IKBKB-DT: variants seen among roughly 807,000 people sequenced by gnomAD.
IKBKB-DT encodes the protein IKBKB divergent transcript, also known as IKBKB antisense RNA.
At chr8:42,235,607 G>A (rs796558008) in intron 3 of IKBKB-DT, among the ~76,000 whole-genome samples, 33 of 152,180 alleles carry the variant, frequency 2.2e-4, no homozygotes, top group African/African-American at 7.2e-4. Context: ...TCGATTTCCC[G>A]TGATTTCATC....
At chr8:42,270,163 C>T (rs371046894) in intron 1 of IKBKB-DT, among the ~76,000 whole-genome samples, 2 of 152,280 alleles carry the variant, frequency 1.3e-5, no homozygotes, top group African/African-American at 4.8e-5. Context: ...GTTTGAGTAT[C>T]AGCTCATCTA....
intron 3 of IKBKB-DT, among the ~76,000 whole-genome samples, chr8:42,250,751 T>C (rs375362602): frequency 7.9e-5 from 12 of 152,024 alleles, no homozygotes; most frequent in East Asian, 7.7e-4. Context: ...GTTTCAGTGG[T>C]GTGTGTCTGT....
At chr8:42,266,814 C>T (rs1807376561) in intron 1 of IKBKB-DT, among the ~76,000 whole-genome samples, 1 of 152,094 alleles carries the variant, frequency 6.6e-6, no homozygotes, top group Admixed American at 6.6e-5. Flanking sequence ...TGACAGTTTA[C>T]AAATGCCATG....
At chr8:42,243,765 G>C (rs1169537415) in intron 3 of IKBKB-DT, among the ~76,000 whole-genome samples, 2 of 152,200 alleles carry the variant, frequency 1.3e-5, no homozygotes, top group Non-Finnish European at 2.9e-5. Flanking sequence ...ATTAAAATAA[G>C]GATAAACAGT....
intron 3 of IKBKB-DT, among the ~76,000 whole-genome samples, chr8:42,250,520 C>T (rs1052837007): frequency 2.0e-5 from 3 of 152,162 alleles, no homozygotes; most frequent in Non-Finnish European, 2.9e-5. Flanking sequence ...ATAAAGGCAG[C>T]TGAGTTTGGG....
chr8:42,261,568 C>T (rs1031645070), intron 3 of IKBKB-DT, among the ~76,000 whole-genome samples: 1 of 152,194 alleles, frequency 6.6e-6, no homozygotes, highest in African/African-American at 2.4e-5. Context: ...ATAAAAATAA[C>T]CGAGGTTATT....
At chr8:42,234,171 G>A (rs1156755228) in intron 3 of IKBKB-DT, among the ~76,000 whole-genome samples, 2 of 152,160 alleles carry the variant, frequency 1.3e-5, no homozygotes, top group Non-Finnish European at 2.9e-5. Context: ...AATGAACAAG[G>A]ACAGCTTGGA....
chr8:42,268,089 T>G (rs1028460899), intron 1 of IKBKB-DT, among the ~76,000 whole-genome samples: 1 of 151,810 alleles, frequency 6.6e-6, no homozygotes, highest in Non-Finnish European at 1.5e-5. Context: ...GTACTGGAAA[T>G]GGACTCTCCA....
chr8:42,267,011 T>G (rs568264665), intron 1 of IKBKB-DT, among the ~76,000 whole-genome samples: 18 of 150,176 alleles, frequency 1.2e-4, no homozygotes, highest in East Asian at 1.9e-4. Context: ...TTTGTTTTTT[T>G]TTTTTTTGAG....
In IKBKB-DT at chr8:42,247,657, G is replaced by A. The variant is rs182966643; in HGVS notation, n.1530-13798C>T. On this transcript the variant is annotated intron_variant and non_coding_transcript_variant, in intron 3 of 3. Coordinates refer to ENST00000518213, the Ensembl canonical transcript of IKBKB-DT. ...ATTGTAATCCTCAGGTGTTGAGGGAGAGACCTGGTGGGAGGTGATTGGATC... is the reference window on the plus strand; with the variant it reads ...ATTGTAATCCTCAGGTGTTGAGGGAAAGACCTGGTGGGAGGTGATTGGATC... Among the ~76,000 whole-genome samples, 202 of 152,324 alleles carry A rather than the reference G, an allele frequency of 1.3e-3. 1 individual carries two copies. Among genetic ancestry groups the A allele is most frequent in the Non-Finnish European group, 2.2e-3 (148 of 68,030 alleles).
intron 3 of IKBKB-DT, among the ~76,000 whole-genome samples, chr8:42,258,929 C>CTGT (rs1056108627): frequency 1.3e-5 from 2 of 152,190 alleles, no homozygotes; most frequent in Non-Finnish European, 2.9e-5. Flanking sequence ...CAATCATGAA[C>CTGT]TGTCACACTA....
At chr8:42,235,695 A>G (rs974325555) in intron 3 of IKBKB-DT, among the ~76,000 whole-genome samples, 4 of 152,168 alleles carry the variant, frequency 2.6e-5, no homozygotes, top group Non-Finnish European at 5.9e-5. Context: ...CCTAACCTCC[A>G]AGCCTCTGGG....
At chr8:42,246,712 T>C (rs1807068779) in intron 3 of IKBKB-DT, among the ~76,000 whole-genome samples, 1 of 152,214 alleles carries the variant, frequency 6.6e-6, no homozygotes. Flanking sequence ...TTTCTACCCT[T>C]TGACTATCCC....
rs112137407 is a variant in IKBKB-DT, at chr8:42,240,395, C to A, written n.1530-6536G>T. 1.3e-4 allele frequency among the ~76,000 whole-genome samples: 20 copies of A among 150,776 alleles called. No homozygotes were observed. In the South Asian group the frequency reaches 4.0e-3, roughly 30 times the overall value. On this transcript the variant is annotated intron_variant and non_coding_transcript_variant, in intron 3 of 3. Coordinates refer to ENST00000518213, the Ensembl canonical transcript of IKBKB-DT. ...ATCCCAGCACTTTGGGAGGCCGAGG[C>A]GGGCAGATCACGAGGTCAGGAGATC...
chr8:42,271,178 C>A lies in IKBKB-DT; in HGVS notation n.76G>T. Reference sequence around the variant, plus strand: ...CAGTTGTCTAGAGACCACACGCCACCCCCGCCCCGGGGGAGTCGCCCGGTC... The same window carrying A: ...CAGTTGTCTAGAGACCACACGCCACACCCGCCCCGGGGGAGTCGCCCGGTC... On this transcript the variant is annotated non_coding_transcript_exon_variant, in exon 1 of 4. Coordinates refer to ENST00000518213, the Ensembl canonical transcript of IKBKB-DT. 8 of 601,914 alleles carry A rather than the reference C, an allele frequency of 1.3e-5. 1 individual carries two copies. Among genetic ancestry groups the A allele is most frequent in the South Asian group, 1.3e-4 (7 of 54,072 alleles). The allele number at this position is 601,914 out of a possible 1,614,324, so 37.3% of individuals were successfully genotyped here. A position where few individuals can be genotyped will look rare whatever the true frequency, so the allele number is the denominator to read the frequency against.
intron 3 of IKBKB-DT, among the ~76,000 whole-genome samples, chr8:42,242,024 G>A (rs946191328): frequency 6.6e-6 from 1 of 152,110 alleles, no homozygotes; most frequent in African/African-American, 2.4e-5. Context: ...AAGCTGGCCT[G>A]GCCAACATGG....
At chr8:42,255,434 C>T (rs1807185973) in intron 3 of IKBKB-DT, 1 of 152,170 alleles carries the variant, frequency 6.6e-6, no homozygotes, top group Admixed American at 6.5e-5. Context: ...CCTGCAATAT[C>T]TGTAGACTTT....
chr8:42,237,775 G>A (rs1055371320), intron 3 of IKBKB-DT, among the ~76,000 whole-genome samples: 2 of 151,918 alleles, frequency 1.3e-5, no homozygotes, highest in African/African-American at 4.8e-5. Flanking sequence ...CTGTAACCCA[G>A]CACTTTGGGA....
chr8:42,242,768 C>T (rs965611841), intron 3 of IKBKB-DT, among the ~76,000 whole-genome samples: 2 of 152,190 alleles, frequency 1.3e-5, no homozygotes, highest in East Asian at 3.9e-4. Context: ...CTCTGAGCCT[C>T]CCCCAGTCCC....
Sources: allele counts gnomAD v4.1 joint callset (sites outside exome capture counted in the v4.1 genomes callset), GRCh38; gene constraint gnomAD v4.1.1; transcripts MANE v1.5; gene names NCBI Gene and HGNC (gene_info 2026-07-23, HGNC 2026-07-21).